Variants in NAALADL2 observed in about 807,000 individuals in gnomAD.
NAALADL2 encodes N-acetylated alpha-linked acidic dipeptidase like 2.
A neutral mutation model predicts 87.2 loss-of-function variants in NAALADL2; 76 were observed. That is an observed-to-expected ratio of 0.87 (90% CI 0.72 to 1.05). NAALADL2 has a LOEUF of 1.05. Among genes scored for constraint, NAALADL2 ranks in the 50% least tolerant of loss-of-function variants. The probability of loss-of-function intolerance (pLI) is 0.00; values close to 1 mark genes in which losing one functional copy is unlikely to be tolerated. For synonymous variants in NAALADL2, 354 were observed against 331.0 expected, an observed-to-expected ratio of 1.07 and a Z score of -0.75; for missense variants, 1,089 against 945.8, an observed-to-expected ratio of 1.15 and a Z score of -1.99.
At chr3:175,580,910 T>C (rs898170730) in intron 10 of NAALADL2, among the ~76,000 whole-genome samples, 7 of 152,126 alleles carry the variant, frequency 4.6e-5, no homozygotes, top group African/African-American at 1.4e-4. Context: ...GAGTTTTGAT[T>C]ATATGGTAAT....
chr3:174,666,797 C>T (rs1725994074), intron 2 of NAALADL2, among the ~76,000 whole-genome samples: 1 of 152,042 alleles, frequency 6.6e-6, no homozygotes, highest in Non-Finnish European at 1.5e-5. Context: ...TTTTATATTT[C>T]AAAACTGAAA....
chr3:174,676,584 G>A (rs761309136), intron 2 of NAALADL2, among the ~76,000 whole-genome samples: 3 of 151,774 alleles, frequency 2.0e-5, no homozygotes, highest in Admixed American at 6.6e-5. Context: ...TGACTTTTTT[G>A]TAACACCTTA....
At chr3:174,666,251 G>GCT (rs1295823079) in intron 2 of NAALADL2, among the ~76,000 whole-genome samples, 1 of 152,092 alleles carries the variant, frequency 6.6e-6, no homozygotes, top group Non-Finnish European at 1.5e-5. Flanking sequence ...TTCTCATTGA[G>GCT]CTAGGCCTGT....
chr3:174,452,426 C>A (rs895516177), intron 1 of NAALADL2, among the ~76,000 whole-genome samples: 7 of 152,124 alleles, frequency 4.6e-5, no homozygotes, highest in African/African-American at 1.7e-4. Context: ...AAGTGTATAC[C>A]CTGCTGCATT....
chr3:174,553,787 C>T (rs1445594551), intron 2 of NAALADL2, among the ~76,000 whole-genome samples: 1 of 152,108 alleles, frequency 6.6e-6, no homozygotes, highest in Non-Finnish European at 1.5e-5. Flanking sequence ...GAGTTAGAGT[C>T]GTTTTCCATT....
chr3:174,546,782 G>A (rs996846044), intron 1 of NAALADL2, among the ~76,000 whole-genome samples: 2 of 152,020 alleles, frequency 1.3e-5, no homozygotes, highest in Admixed American at 6.6e-5. Context: ...CTCAGCCTCT[G>A]GAGTAGCTGA....
At chr3:175,471,883 A>G (rs1434615184) in intron 9 of NAALADL2, 125 bp downstream of exon 9, 11 of 830,234 alleles carry the variant, frequency 1.3e-5, no homozygotes, top group Non-Finnish European at 1.9e-5. Context: ...TGTTTTAAGA[A>G]ATGATCTATT....
chr3:175,059,296 C>T (rs1157743182), intron 1 of NAALADL2: 1 of 151,570 alleles, frequency 6.6e-6, no homozygotes, highest in Non-Finnish European at 1.5e-5. Flanking sequence ...AGACTTTGAG[C>T]TGTGTTTATT....
chr3:175,495,495 A>T (rs1470040717), intron 9 of NAALADL2, among the ~76,000 whole-genome samples: 1 of 152,066 alleles, frequency 6.6e-6, no homozygotes. Flanking sequence ...ATGCAAAAGT[A>T]ATTGCGGTTT....
At chr3:174,762,913 C>T (rs933107042) in intron 3 of NAALADL2, among the ~76,000 whole-genome samples, 1 of 152,022 alleles carries the variant, frequency 6.6e-6, no homozygotes, top group Non-Finnish European at 1.5e-5. Flanking sequence ...TGAAATGTAT[C>T]TTTATAATGT....
intron 1 of NAALADL2, among the ~76,000 whole-genome samples, chr3:174,863,589 C>A (rs1399808): frequency 0.18 from 26,962 of 150,780 alleles, 3,132 homozygotes; most frequent in African/African-American, 0.32. Context: ...AAAAAAAAAA[C>A]AACTCTAGGC....
At chr3:175,112,881 T>G (rs1478232145) in intron 2 of NAALADL2, among the ~76,000 whole-genome samples, 1 of 151,562 alleles carries the variant, frequency 6.6e-6, no homozygotes, top group African/African-American at 2.4e-5. Flanking sequence ...TGTTACACTT[T>G]CCAGAAAAGA....
intron 9 of NAALADL2, among the ~76,000 whole-genome samples, chr3:175,527,229 G>A (rs557732066): frequency 3.3e-5 from 5 of 152,236 alleles, no homozygotes; most frequent in South Asian, 4.1e-4. Context: ...TGACTTGAAG[G>A]CTACATTAGC....
intron 5 of NAALADL2, among the ~76,000 whole-genome samples, chr3:175,339,700 A>G (rs1381122297): frequency 2.6e-5 from 4 of 152,182 alleles, no homozygotes; most frequent in Non-Finnish European, 1.5e-5. Flanking sequence ...CATACTTTTA[A>G]AATTGCCTAT....
At chr3:175,682,679 T>C (rs1735749742) in intron 11 of NAALADL2, among the ~76,000 whole-genome samples, 1 of 152,032 alleles carries the variant, frequency 6.6e-6, no homozygotes, top group African/African-American at 2.4e-5. Context: ...CAACTTATTT[T>C]ATAGTCAGTA....
At chr3:174,801,294 A>G (rs1560237925) in intron 3 of NAALADL2, among the ~76,000 whole-genome samples, 2 of 152,164 alleles carry the variant, frequency 1.3e-5, no homozygotes, top group African/African-American at 4.8e-5. Flanking sequence ...TGCTATTTGC[A>G]TGACAGTGAA....
intron 4 of NAALADL2, among the ~76,000 whole-genome samples, chr3:175,320,651 T>C (rs1401854911): frequency 6.6e-6 from 1 of 152,198 alleles, no homozygotes; most frequent in Non-Finnish European, 1.5e-5. Flanking sequence ...AGGTGATTTC[T>C]GCTTTAGGGA....
chr3:175,394,190 A>C (rs1256478212), intron 5 of NAALADL2, among the ~76,000 whole-genome samples: 11 of 152,222 alleles, frequency 7.2e-5, no homozygotes, highest in Non-Finnish European at 1.5e-4. Context: ...TATTTTTTAC[A>C]AAAGCAAAAA....
intron 2 of NAALADL2, among the ~76,000 whole-genome samples, chr3:174,719,366 T>C (rs1731496314): frequency 6.6e-6 from 1 of 152,176 alleles, no homozygotes; most frequent in South Asian, 2.1e-4. Context: ...GGTTTTCTTT[T>C]TCTTCAAGCC....
Sources: allele counts gnomAD v4.1 joint callset (sites outside exome capture counted in the v4.1 genomes callset), GRCh38; gene constraint gnomAD v4.1.1; transcripts MANE v1.5; gene names NCBI Gene and HGNC (gene_info 2026-07-23, HGNC 2026-07-21).